SUCLG2: variants seen among roughly 807,000 people sequenced by gnomAD.
The protein encoded by SUCLG2 is succinate-CoA ligase GDP-forming subunit beta, also known as succinate--CoA ligase [GDP-forming] subunit beta, mitochondrial.
In SUCLG2, 42 loss-of-function variants were observed where a neutral mutation model predicts 47.9. The observed-to-expected ratio is 0.88, with a 90% CI of 0.69 to 1.14. SUCLG2 has a LOEUF of 1.14. Among genes scored for constraint, SUCLG2 ranks in the 50% most tolerant of loss-of-function variants. The probability of loss-of-function intolerance (pLI) is 0.00; values close to 1 mark genes in which losing one functional copy is unlikely to be tolerated. For synonymous variants in SUCLG2, 195 were observed against 197.3 expected (o/e 0.99, Z 0.10); for missense variants, 571 against 525.9 (o/e 1.09, Z -0.84).
chr3:67,459,248 A>G (rs1005023344), intron 9 of SUCLG2, among the ~76,000 whole-genome samples: 6 of 152,208 alleles, frequency 3.9e-5, no homozygotes, highest in African/African-American at 1.4e-4. Context: ...GTAGAGGGAA[A>G]CACACTTAGT....
intron 1 of SUCLG2, among the ~76,000 whole-genome samples, chr3:67,653,749 G>T (rs1355545136): frequency 2.0e-5 from 3 of 152,200 alleles, no homozygotes; most frequent in Non-Finnish European, 4.4e-5. Context: ...AAACTTTCCT[G>T]AAGTCCTTCT....
At chr3:67,413,390 G>T (rs1011832910) in intron 9 of SUCLG2, among the ~76,000 whole-genome samples, 1 of 152,188 alleles carries the variant, frequency 6.6e-6, no homozygotes, top group African/African-American at 2.4e-5. Context: ...TGGTCTTCCA[G>T]TCTGTCTAAA....
At chr3:67,600,917 T>A (rs1214305582) in intron 2 of SUCLG2, among the ~76,000 whole-genome samples, 1 of 152,222 alleles carries the variant, frequency 6.6e-6, no homozygotes, top group Non-Finnish European at 1.5e-5. Context: ...AAATAACTTC[T>A]TCTTGCACCA....
chr3:67,395,061 C>A (rs1702490629), intron 10 of SUCLG2, among the ~76,000 whole-genome samples: 1 of 152,132 alleles, frequency 6.6e-6, no homozygotes, highest in African/African-American at 2.4e-5. Context: ...CCAGCCGCGG[C>A]AAAATCATGC....
At chr3:67,450,031 A>AT (rs66741649) in intron 9 of SUCLG2, among the ~76,000 whole-genome samples, 1 of 151,826 alleles carries the variant, frequency 6.6e-6, no homozygotes, top group Non-Finnish European at 1.5e-5. Flanking sequence ...AAAAAACAGT[A>AT]TTTTTTTTAA....
chr3:67,477,409 G>A lies in SUCLG2; in HGVS notation c.1062+18389C>T, dbSNP rs112771327. 9.9e-3 allele frequency among the ~76,000 whole-genome samples: 1,503 copies of A among 152,280 alleles called. 11 individuals are homozygous for A. The highest frequency in any genetic ancestry group is 0.013 in the Non-Finnish European group (867 of 68,016). On this transcript the variant is annotated intron_variant, in intron 9 of 10. Transcript: ENST00000307227. Reference sequence around the variant, plus strand: ...ATCAGTCTGTAATTAGAAAACTGGTGAGAGGCTGGGTGTGGTTGCTCATGC... The same window carrying A: ...ATCAGTCTGTAATTAGAAAACTGGTAAGAGGCTGGGTGTGGTTGCTCATGC...
intron 10 of SUCLG2, among the ~76,000 whole-genome samples, chr3:67,395,046 C>G (rs1476872825): frequency 1.3e-5 from 2 of 151,928 alleles, no homozygotes; most frequent in African/African-American, 4.8e-5. Context: ...AAGGAACAAC[C>G]GGTACCAGCC....
intron 2 of SUCLG2, among the ~76,000 whole-genome samples, chr3:67,571,325 G>A (rs1429726123): frequency 1.3e-5 from 2 of 152,096 alleles, no homozygotes; most frequent in East Asian, 1.9e-4. Context: ...AGCCCTCACA[G>A]CAAAGAATTA....
intron 1 of SUCLG2, among the ~76,000 whole-genome samples, chr3:67,626,913 CAAAAAAAA>C (rs35290770): frequency 1.4e-4 from 6 of 42,084 alleles, no homozygotes; most frequent in Admixed American, 3.4e-4. Flanking sequence ...GACTCCGTCT[CAAAAAAAA>C]AAAAAAAAAA....
chr3:67,528,797 T>C (rs1157912806), intron 3 of SUCLG2, among the ~76,000 whole-genome samples: 3 of 152,168 alleles, frequency 2.0e-5, no homozygotes, highest in Non-Finnish European at 4.4e-5. Context: ...ATTATGGAAG[T>C]AGCATTTCAG....
intron 2 of SUCLG2, among the ~76,000 whole-genome samples, chr3:67,563,423 T>C (rs1242638652): frequency 6.6e-6 from 1 of 152,166 alleles, no homozygotes; most frequent in African/African-American, 2.4e-5. Context: ...TTAACAGGAA[T>C]AGTGAGAAAA....
Position 67,501,722 on chromosome 3 carries a change from C to T in SUCLG2, c.758-3427G>A, listed in dbSNP as rs146229494. On this transcript the variant is annotated intron_variant, in intron 7 of 10. Coordinates refer to ENST00000307227, the MANE Select transcript of SUCLG2 (RefSeq NM_003848.4). ...AGATCATCCCTATGTAATAAAGCCT[C>T]CATAAAAATTTCTCAACTCCAGGGG... 6.6e-3 allele frequency among the ~76,000 whole-genome samples: 1,006 copies of T among 152,142 alleles called. 15 individuals carry two copies. Among genetic ancestry groups the T allele is most frequent in the African/African-American group, 0.023 (935 of 41,514 alleles).
intron 10 of SUCLG2, among the ~76,000 whole-genome samples, chr3:67,387,249 T>G (rs1333322483): frequency 1.3e-5 from 2 of 152,098 alleles, no homozygotes; most frequent in African/African-American, 4.8e-5. Flanking sequence ...AAAGCTACAA[T>G]GAAAAAAAAT....
intron 2 of SUCLG2, among the ~76,000 whole-genome samples, chr3:67,543,529 T>A (rs533875234): frequency 6.6e-6 from 1 of 152,180 alleles, no homozygotes; most frequent in East Asian, 1.9e-4. Flanking sequence ...TAGCCTGGCA[T>A]AGTGGCATAC....
chr3:67,397,972 G>C (rs537962165), intron 10 of SUCLG2, among the ~76,000 whole-genome samples: 50 of 150,622 alleles, frequency 3.3e-4, no homozygotes, highest in African/African-American at 1.2e-3. Context: ...GCCATATGTA[G>C]AAAGCTAAAA....
At chr3:67,619,997 A>C (rs554066638) in intron 1 of SUCLG2, among the ~76,000 whole-genome samples, 45 of 152,322 alleles carry the variant, frequency 3.0e-4, no homozygotes, top group African/African-American at 1.1e-3. Context: ...AGTAGGCAAG[A>C]TTTATTTATA....
In SUCLG2 at chr3:67,528,039, G is replaced by C. The variant is rs546683503; in HGVS notation, c.417+93C>G. 9.9e-6 allele frequency: 11 copies of C among 1,108,952 alleles called. No homozygotes were observed. The East Asian group carries it at 1.8e-4, about 18-fold the overall frequency. 68.7% of individuals were successfully genotyped at this position (1,108,952 alleles called of 1,614,324 possible). Reference sequence around the variant, plus strand: ...TAAAATGGCACACTGCCAAAGAGCAGTACTTCATTAGATTCTGTCAAAAAC... The same window carrying C: ...TAAAATGGCACACTGCCAAAGAGCACTACTTCATTAGATTCTGTCAAAAAC... On this transcript the variant is annotated intron_variant, in intron 4 of 10. Transcript: ENST00000307227.
At chr3:67,647,252 C>G (rs1701208926) in intron 1 of SUCLG2, among the ~76,000 whole-genome samples, 1 of 152,144 alleles carries the variant, frequency 6.6e-6, no homozygotes, top group Admixed American at 6.5e-5. Flanking sequence ...TATATTATGT[C>G]AAATCCCTCG....
At chr3:67,434,177 G>A (rs1472494739) in intron 9 of SUCLG2, among the ~76,000 whole-genome samples, 1 of 152,114 alleles carries the variant, frequency 6.6e-6, no homozygotes, top group Admixed American at 6.6e-5. Context: ...AAATATATAT[G>A]ATCATTTCTG....
Sources: allele counts gnomAD v4.1 joint callset (sites outside exome capture counted in the v4.1 genomes callset), GRCh38; gene constraint gnomAD v4.1.1; transcripts MANE v1.5; gene names NCBI Gene and HGNC (gene_info 2026-07-23, HGNC 2026-07-21).